Variants in LFNG observed in about 807,000 individuals in gnomAD.
LFNG encodes the protein LFNG O-fucosylpeptide 3-beta-N-acetylglucosaminyltransferase.
A neutral mutation model predicts 32.7 loss-of-function variants in LFNG; 15 were observed. The observed-to-expected ratio is 0.46, with a 90% CI of 0.31 to 0.71. LFNG has a LOEUF of 0.71. Ranked by LOEUF, LFNG falls within the 30% of genes least tolerant of loss-of-function variation. LFNG has a pLI of 0.06. For synonymous variants in LFNG, 274 were observed against 246.8 expected (o/e 1.11, Z -1.03); for missense variants, 520 against 545.7 (o/e 0.95, Z 0.47).
At chr7:2,514,031 A>G, upstream of LFNG, among the ~76,000 whole-genome samples, 1 of 152,218 alleles carries the variant, frequency 6.6e-6, no homozygotes. Context: ...CTGTAAGACC[A>G]ACAGTTAGAG....
At chr7:2,524,499 T>C (rs1779888485) in intron 1 of LFNG, 196 bp from the exon 2 acceptor site, 1 of 647,910 alleles carries the variant, frequency 1.5e-6, no homozygotes. Context: ...GCGTGAGCTC[T>C]GGCCCAGATG....
intron 1 of LFNG, among the ~76,000 whole-genome samples, chr7:2,522,991 C>A (rs1406680133): frequency 3.9e-5 from 6 of 152,368 alleles, no homozygotes; most frequent in African/African-American, 1.2e-4. Context: ...GGCACCCCCG[C>A]ACCCCATAGC....
upstream of LFNG, among the ~76,000 whole-genome samples, chr7:2,516,750 A>C (rs557386304): frequency 3.3e-5 from 5 of 152,272 alleles, no homozygotes; most frequent in East Asian, 9.6e-4. Flanking sequence ...GGCCCTGCAG[A>C]GGGGAAGACT....
chr7:2,514,180 C>T (rs975337912), upstream of LFNG, among the ~76,000 whole-genome samples: 3 of 152,360 alleles, frequency 2.0e-5, no homozygotes, highest in East Asian at 5.8e-4. Flanking sequence ...GCTCAGAGGC[C>T]AGCGGCAGCC....
chr7:2,527,550 C>T lies in LFNG; in HGVS notation c.*338C>T, dbSNP rs568729000. The T allele has an allele frequency of 7.9e-6, 10 of 1,263,452 alleles. No homozygotes were observed. Among genetic ancestry groups the T allele is most frequent in the South Asian group, 7.9e-5 (5 of 63,612 alleles). The allele number at this position is 1,263,452 out of a possible 1,614,324, so 78.3% of individuals were successfully genotyped here. On this transcript the variant is annotated 3_prime_UTR_variant, in exon 8 of 8. Transcript: ENST00000222725. This position sits in a 1 kb window ranked among gnomAD's most constrained non-coding sequence, Gnocchi z 4.4. ...GGATCTTTCTACAGCTACGGGGCTC[C>T]GGGCTACTTTGCAGGGATGCGATGC... is the stretch of plus-strand genomic sequence containing the variant.
chr7:2,520,327 C>T lies in LFNG; in HGVS notation c.432+34C>T. 1.9e-6 allele frequency: 3 copies of T among 1,585,116 alleles called. No individual in the cohort carries two copies. In the South Asian group the frequency reaches 3.3e-5, roughly 18 times the overall value. ...CCCGCGGCCTGGACTGGCGGGCGAG[C>T]GGGGCGGGGACCCACCATCTGGTCC... On this transcript the variant is annotated intron_variant, in intron 1 of 7. Coordinates refer to ENST00000222725, the MANE Select transcript of LFNG (RefSeq NM_001040167.2). The surrounding 1 kb of genome is among the most constrained non-coding windows in gnomAD (Gnocchi z 5.0).
chr7:2,528,090 GTCTT>G lies in LFNG; in HGVS notation c.*879_*882del. 1 of 134,380 alleles carries G rather than the reference GTCTT, an allele frequency of 7.4e-6. No individual in the cohort carries two copies. The highest frequency in any genetic ancestry group is 1.4e-5 in the Non-Finnish European group (1 of 69,324). The allele number at this position is 134,380 out of a possible 1,614,324, so 8.3% of individuals were successfully genotyped here. The stretch of plus-strand genomic sequence containing the variant: ...CTTGGGAGGGTGGGGGTGGGGGAGG[GTCTT>G]ATTTTATCTTATCTTTTCTGTGGAT... On this transcript the variant is annotated 3_prime_UTR_variant, in exon 8 of 8. Transcript: ENST00000222725.
chr7:2,522,624 G>A lies in LFNG; in HGVS notation c.433-2071G>A, dbSNP rs370451048. On this transcript the variant is annotated intron_variant, in intron 1 of 7. Coordinates refer to ENST00000222725, the MANE Select transcript of LFNG (RefSeq NM_001040167.2). Reference sequence around the variant, plus strand: ...ACCCGGCTCTTCCTCCTGCAGCCCCGTCTTCGTCTGGAAAGTTAGGTGGCA... The same window carrying A: ...ACCCGGCTCTTCCTCCTGCAGCCCCATCTTCGTCTGGAAAGTTAGGTGGCA... Among the ~76,000 whole-genome samples, 23 of 148,564 alleles carry A rather than the reference G, an allele frequency of 1.5e-4. No individual in the cohort carries two copies. The East Asian group carries it at 2.3e-3, about 15-fold the overall frequency.
exon 1 of LFNG, chr7:2,512,593 G>GAA (rs1290033739): frequency 3.8e-5 from 57 of 1,483,048 alleles, no homozygotes; most frequent in Non-Finnish European, 5.2e-5. Flanking sequence ...AGGCCAAGGC[G>GAA]GCTCCTGGCC....
chr7:2,516,525 C>A (rs991298911), upstream of LFNG, among the ~76,000 whole-genome samples: 2 of 152,230 alleles, frequency 1.3e-5, no homozygotes, highest in Non-Finnish European at 2.9e-5. Context: ...GCAGGAGAAC[C>A]CCCGGGCTGA....
rs1554291255 is a variant in LFNG at position 2,527,337 on chromosome 7, CGTGT to C, written c.*138_*141del. 83 of 1,449,702 alleles carry C rather than the reference CGTGT, an allele frequency of 5.7e-5. No individual in the cohort carries two copies. Among genetic ancestry groups the C allele is most frequent in the African/African-American group, 1.3e-4 (9 of 69,290 alleles). 89.8% of individuals were successfully genotyped at this position (1,449,702 alleles called of 1,614,324 possible). A position where few individuals can be genotyped will look rare whatever the true frequency, so the allele number is the denominator to read the frequency against. On this transcript the variant is annotated 3_prime_UTR_variant, in exon 8 of 8. Coordinates refer to ENST00000222725, the MANE Select transcript of LFNG (RefSeq NM_001040167.2). This position sits in a 1 kb window ranked among gnomAD's most constrained non-coding sequence, Gnocchi z 4.4. ...GGCCGTGCCTGTGCGTGTGCGTGTG[CGTGT>C]GTGTGTGTGTGTACTGCATGCCCAC...
rs1007083007 is a variant in LFNG at position 2,525,827 on chromosome 7, G to A, written c.821+57G>A. The A allele has an allele frequency of 8.1e-6, 12 of 1,476,278 alleles. No homozygotes were observed. In the African/African-American group the frequency reaches 1.5e-4, roughly 19 times the overall value. 91.4% of individuals were successfully genotyped at this position (1,476,278 alleles called of 1,614,324 possible). The stretch of plus-strand genomic sequence containing the variant: ...GTCCCAGGCTCCTCGCCACTGTGGG[G>A]CCTGGCTTAGTTCATCTTCCCAGCC... On this transcript the variant is annotated intron_variant, in intron 5 of 7. Coordinates refer to ENST00000222725, the MANE Select transcript of LFNG (RefSeq NM_001040167.2).
At chr7:2,524,327 G>A (rs1227762762) in intron 1 of LFNG, among the ~76,000 whole-genome samples, 2 of 152,216 alleles carry the variant, frequency 1.3e-5, no homozygotes, top group Non-Finnish European at 2.9e-5. Context: ...CAATAAGGGT[G>A]TGTGCCCTGC....
In LFNG at chr7:2,527,866, G is replaced by A. The variant is rs1257791740; in HGVS notation, c.*654G>A. The stretch of plus-strand genomic sequence containing the variant: ...CCCTCCCAGCTCTTCTGAGTGGGGA[G>A]TCTTCCAGGCCTCCTCAGAGGTCTT... On this transcript the variant is annotated 3_prime_UTR_variant, in exon 8 of 8. Coordinates refer to ENST00000222725, the MANE Select transcript of LFNG (RefSeq NM_001040167.2). The surrounding 1 kb of genome is among the most constrained non-coding windows in gnomAD (Gnocchi z 4.4). The A allele has an allele frequency of 3.0e-6, 3 of 997,368 alleles. No individual in the cohort carries two copies. The highest frequency in any genetic ancestry group is 3.6e-6 in the Non-Finnish European group (3 of 836,064). The allele number at this position is 997,368 out of a possible 1,614,324, so 61.8% of individuals were successfully genotyped here.
Position 2,526,492 on chromosome 7 carries a change from G to A in LFNG, c.987+83G>A. 6.7e-7 allele frequency: 1 copy of A among 1,484,826 alleles called. No individual in the cohort carries two copies. The highest frequency in any genetic ancestry group is 9.2e-7 in the Non-Finnish European group (1 of 1,081,318). The allele number at this position is 1,484,826 out of a possible 1,614,324, so 92.0% of individuals were successfully genotyped here. On this transcript the variant is annotated intron_variant, in intron 6 of 7. Transcript: ENST00000222725. This position sits in a 1 kb window ranked among gnomAD's most constrained non-coding sequence, Gnocchi z 6.9. ...TGCCGAGAGGGGCGCAGTGGGGTGG[G>A]GCACTGTTCTAAACAGGGAGGCCAG...
rs1780036806 is a variant in LFNG, at chr7:2,527,722, C to T, written c.*510C>T. 9.6e-7 allele frequency: 1 copy of T among 1,045,872 alleles called. No individual in the cohort carries two copies. The highest frequency in any genetic ancestry group is 1.7e-5 in the African/African-American group (1 of 59,654). The allele number at this position is 1,045,872 out of a possible 1,614,324, so 64.8% of individuals were successfully genotyped here. A position where few individuals can be genotyped will look rare whatever the true frequency, so the allele number is the denominator to read the frequency against. The stretch of plus-strand genomic sequence containing the variant: ...AGGCTGGGTCTGGGGGTGCGTGACC[C>T]AATCCCCTTCCTCCTGGCCTGGACG... On this transcript the variant is annotated 3_prime_UTR_variant, in exon 8 of 8. Transcript: ENST00000222725. The surrounding 1 kb of genome is among the most constrained non-coding windows in gnomAD (Gnocchi z 4.4).
At chr7:2,521,535 T>C (rs1490801141) in intron 1 of LFNG, among the ~76,000 whole-genome samples, 9 of 152,224 alleles carry the variant, frequency 5.9e-5, no homozygotes. Flanking sequence ...TGCCTGGCGA[T>C]GAGGGGACCA....
Position 2,526,424 on chromosome 7 carries a change from G to T in LFNG, c.987+15G>T. ...TCCACGAGCAGGTGCACCATCCTCCGGGCCCCGCCAGGACTCCGAGAGCAC... is the reference window on the plus strand; with the variant it reads ...TCCACGAGCAGGTGCACCATCCTCCTGGCCCCGCCAGGACTCCGAGAGCAC... On this transcript the variant is annotated intron_variant, in intron 6 of 7. Transcript: ENST00000222725. The surrounding 1 kb of genome is among the most constrained non-coding windows in gnomAD (Gnocchi z 6.9). 6.2e-7 allele frequency: 1 copy of T among 1,604,368 alleles called. No homozygotes were observed. The highest frequency in any genetic ancestry group is 8.5e-7 in the Non-Finnish European group (1 of 1,179,792).
At position 2,520,373 on chromosome 7, in the gene LFNG, G is replaced by T; in HGVS notation, c.432+80G>T. 2 of 1,318,744 alleles carry T rather than the reference G, an allele frequency of 1.5e-6. No homozygotes were observed. The highest frequency in any genetic ancestry group is 2.6e-5 in the South Asian group (2 of 77,218). The allele number at this position is 1,318,744 out of a possible 1,614,324, so 81.7% of individuals were successfully genotyped here. On this transcript the variant is annotated intron_variant, in intron 1 of 7. Transcript: ENST00000222725. The surrounding 1 kb of genome is among the most constrained non-coding windows in gnomAD (Gnocchi z 5.0). The stretch of plus-strand genomic sequence containing the variant: ...GGTCCAGCTGGTGGCAGTGTCCCAT[G>T]GGAGTCAGGCTGCATCCCCATCCAG...
Sources: gnomAD v4.1 joint callset for allele counts (sites outside exome capture counted in the v4.1 genomes callset) on GRCh38, gnomAD v4.1.1 for gene constraint, Gnocchi (gnomAD v3.1) non-coding constraint, MANE v1.5 for transcripts, NCBI Gene and HGNC (gene_info 2026-07-23, HGNC 2026-07-21) for gene names.